LRRC63: variants seen among roughly 807,000 people sequenced by gnomAD.
LRRC63 encodes the protein leucine rich repeat containing 63, also known as leucine-rich repeat-containing protein 63.
Under a neutral mutation model 49.5 loss-of-function variants are expected in LRRC63, and 40 were observed. That is an observed-to-expected ratio of 0.81 (90% CI 0.63 to 1.05). LRRC63 has a LOEUF of 1.05. Ranked by LOEUF, LRRC63 falls within the 50% of genes least tolerant of loss-of-function variation. The pLI is 0.00. For missense variants in LRRC63, 636 were observed against 663.1 expected, an observed-to-expected ratio of 0.96 and a Z score of 0.45; for synonymous variants, 191 against 221.1, an observed-to-expected ratio of 0.86 and a Z score of 1.21.
chr13:46,258,296 A>AT (rs1229751551), intron 7 of LRRC63, among the ~76,000 whole-genome samples: 7 of 150,362 alleles, frequency 4.7e-5, no homozygotes, highest in African/African-American at 1.2e-4. Context: ...TGCCTGGCTA[A>AT]TTTTTTGTAT....
intron 9 of LRRC63, among the ~76,000 whole-genome samples, chr13:46,276,088 CTAA>C (rs1251990308): frequency 3.9e-5 from 6 of 152,028 alleles, no homozygotes; most frequent in Non-Finnish European, 8.8e-5. Flanking sequence ...TATTCCTGTA[CTAA>C]TGTTAATGTA....
intron 5 of LRRC63, among the ~76,000 whole-genome samples, chr13:46,241,591 T>C (rs919842943): frequency 4.6e-5 from 7 of 152,182 alleles, no homozygotes; most frequent in Admixed American, 3.9e-4. Flanking sequence ...AGGCCTAATA[T>C]CCGGCATTTA....
chr13:46,254,626 A>G (rs2047463262), intron 7 of LRRC63, among the ~76,000 whole-genome samples: 1 of 152,242 alleles, frequency 6.6e-6, no homozygotes, highest in Admixed American at 6.5e-5. Context: ...ACTTCAGATA[A>G]TCTTTGAGAG....
intron 5 of LRRC63, among the ~76,000 whole-genome samples, chr13:46,239,752 A>G (rs1253506801): frequency 6.6e-6 from 1 of 152,220 alleles, no homozygotes; most frequent in Non-Finnish European, 1.5e-5. Flanking sequence ...AAAATCTTCA[A>G]CAAAATACTG....
chr13:46,238,129 T>C (rs746145927), intron 5 of LRRC63, among the ~76,000 whole-genome samples: 3 of 152,112 alleles, frequency 2.0e-5, no homozygotes, highest in Non-Finnish European at 2.9e-5. Flanking sequence ...ATGCACCCAA[T>C]AGAGGAGCAG....
chr13:46,223,270 A>C (rs1483773207), intron 2 of LRRC63, among the ~76,000 whole-genome samples: 1 of 152,088 alleles, frequency 6.6e-6, no homozygotes, highest in Non-Finnish European at 1.5e-5. Context: ...CCCCAGTGTC[A>C]GTTCTTGTCA....
intron 2 of LRRC63, among the ~76,000 whole-genome samples, chr13:46,226,811 T>C (rs2046590286): frequency 3.9e-5 from 6 of 152,204 alleles, no homozygotes. Flanking sequence ...AAATTTTGCC[T>C]TAATGAATCT....
chr13:46,230,491 G>A (rs963403886), intron 4 of LRRC63, among the ~76,000 whole-genome samples: 1 of 152,200 alleles, frequency 6.6e-6, no homozygotes, highest in Admixed American at 6.5e-5. Flanking sequence ...GAAGCCGACT[G>A]TGTAGCTTTC....
intron 9 of LRRC63, chr13:46,270,160 CAAAG>C (rs2047736922): frequency 1.4e-6 from 1 of 738,408 alleles, no homozygotes; most frequent in Admixed American, 1.8e-5. Flanking sequence ...AAGCAGATGT[CAAAG>C]GAAGATCTTG....
At chr13:46,252,988 A>G (rs1479643240) in intron 7 of LRRC63, among the ~76,000 whole-genome samples, 2 of 152,054 alleles carry the variant, frequency 1.3e-5, no homozygotes, top group Admixed American at 6.6e-5. Context: ...CTTATATTTT[A>G]CGTTATTCTA....
intron 4 of LRRC63, among the ~76,000 whole-genome samples, 154 bp downstream of exon 4, chr13:46,228,887 G>A (rs1007839377): frequency 6.6e-6 from 1 of 152,000 alleles, no homozygotes; most frequent in Non-Finnish European, 1.5e-5. Context: ...GTCATTTATG[G>A]AGCAGCTATT....
intron 2 of LRRC63, among the ~76,000 whole-genome samples, chr13:46,224,173 C>A (rs1001990953): frequency 6.6e-6 from 1 of 152,152 alleles, no homozygotes; most frequent in South Asian, 2.1e-4. Context: ...TGTCTCTTTG[C>A]CCCTGGGATG....
chr13:46,223,081 A>T (rs1299609918), intron 2 of LRRC63, among the ~76,000 whole-genome samples: 1 of 146,198 alleles, frequency 6.8e-6, no homozygotes, highest in Non-Finnish European at 1.5e-5. Flanking sequence ...GGAGGGGGGA[A>T]GGATAGCATT....
Position 46,237,366 on chromosome 13 carries a change from T to C in LRRC63, c.990+3017T>C, listed in dbSNP as rs575026428. Among the ~76,000 whole-genome samples the C allele has an allele frequency of 2.6e-5, 4 of 152,290 alleles. No individual in the cohort carries two copies. The East Asian group carries it at 7.7e-4, about 29-fold the overall frequency. On this transcript the variant is annotated intron_variant, in intron 5 of 9. Coordinates refer to ENST00000595396, the Ensembl canonical transcript of LRRC63. ...ACAAGGTGTGAACTATAATGTAAAC[T>C]ATGGACTTGGGTTGATAATGATGTG...
chr13:46,238,025 C>T (rs1256736950), intron 5 of LRRC63, among the ~76,000 whole-genome samples: 1 of 152,066 alleles, frequency 6.6e-6, no homozygotes, highest in Non-Finnish European at 1.5e-5. Context: ...ACAAAACAGG[C>T]TTTAAACCAA....
Position 46,275,331 on chromosome 13 carries a change from A to C in LRRC63, c.1551-1259A>C, listed in dbSNP as rs550623598. ...TACTGATCTCCTTTGCTTTGGATAA[A>C]TACCCAGTAATGAGATTGCTGGATA... On this transcript the variant is annotated intron_variant, in intron 9 of 9. Coordinates refer to ENST00000595396, the Ensembl canonical transcript of LRRC63. Among the ~76,000 whole-genome samples the C allele has an allele frequency of 3.9e-5, 6 of 152,294 alleles. No individual in the cohort carries two copies. The East Asian group carries it at 9.6e-4, about 24-fold the overall frequency.
At chr13:46,214,653 A>AG (rs1263625615) in intron 2 of LRRC63, among the ~76,000 whole-genome samples, 1 of 151,968 alleles carries the variant, frequency 6.6e-6, no homozygotes, top group East Asian at 1.9e-4. Flanking sequence ...TCTTCTAAAA[A>AG]AAAAAAAAGC....
intron 7 of LRRC63, among the ~76,000 whole-genome samples, chr13:46,259,732 C>G (rs2138567996): frequency 6.6e-6 from 1 of 152,186 alleles, no homozygotes; most frequent in South Asian, 2.1e-4. Flanking sequence ...ATTGCTTAAC[C>G]TCTTATAGCT....
chr13:46,237,778 C>T (rs989782219), intron 5 of LRRC63, among the ~76,000 whole-genome samples: 3 of 151,860 alleles, frequency 2.0e-5, no homozygotes, highest in Non-Finnish European at 2.9e-5. Flanking sequence ...ACTGGCCTTA[C>T]AAAAATGAAG....
Sources: gnomAD v4.1 joint callset for allele counts (sites outside exome capture counted in the v4.1 genomes callset) on GRCh38, gnomAD v4.1.1 for gene constraint, MANE v1.5 for transcripts, NCBI Gene and HGNC (gene_info 2026-07-23, HGNC 2026-07-21) for gene names.